The following PDE1A variants were observed in gnomAD, a reference collection of about 807,000 sequenced individuals.
The protein encoded by PDE1A is dual specificity calcium/calmodulin-dependent 3',5'-cyclic nucleotide phosphodiesterase 1A.
PDE1A carries 35 observed loss-of-function variants against 61.7 expected under a neutral mutation model. The observed-to-expected ratio is 0.57, with a 90% CI of 0.43 to 0.75. The LOEUF is 0.75. PDE1A is among the 30% of genes least tolerant of loss of function. The probability of loss-of-function intolerance (pLI) is 0.00; values close to 1 mark genes in which losing one functional copy is unlikely to be tolerated. For missense variants in PDE1A, 597 were observed against 630.6 expected (o/e 0.95, Z 0.57); for synonymous variants, 232 against 213.2 (o/e 1.09, Z -0.77).
At chr2:182,568,101 G>A in the PDE1A span, among the ~76,000 whole-genome samples, 12 of 151,700 alleles carry the variant, frequency 7.9e-5, no homozygotes, top group South Asian at 8.3e-4. Context: ...GCCCGCGCCC[G>A]GCAATGTTTA....
upstream of PDE1A, among the ~76,000 whole-genome samples, chr2:182,427,976 C>T (rs746190279): frequency 6.6e-6 from 1 of 152,128 alleles, no homozygotes; most frequent in African/African-American, 2.4e-5. Flanking sequence ...AAGGAGGATA[C>T]TATCTGTAGT....
chr2:182,550,735 T>C, the PDE1A span, among the ~76,000 whole-genome samples: 3 of 152,096 alleles, frequency 2.0e-5, no homozygotes, highest in South Asian at 2.1e-4. Context: ...ATGAGTGTGT[T>C]TGGTGGGCAG....
intron 2 of PDE1A, among the ~76,000 whole-genome samples, chr2:182,438,884 G>C (rs1164955848): frequency 6.6e-6 from 1 of 151,922 alleles, no homozygotes; most frequent in Non-Finnish European, 1.5e-5. Flanking sequence ...GAACAATGTA[G>C]AAAATATTTT....
rs528072282 is a variant in PDE1A, at chr2:182,201,845, G to C, written c.903-56C>G. 2.8e-5 allele frequency: 29 copies of C among 1,028,726 alleles called. No individual in the cohort carries two copies. The Admixed American group carries it at 3.9e-4, about 14-fold the overall frequency. The allele number at this position is 1,028,726 out of a possible 1,614,324, so 63.7% of individuals were successfully genotyped here. A position where few individuals can be genotyped will look rare whatever the true frequency, so the allele number is the denominator to read the frequency against. ...TTCAGCCATTTATTGTTCTGAAGTG[G>C]AACACTTCAATAAATAATCACTCAC... is the stretch of plus-strand genomic sequence containing the variant. On this transcript the variant is annotated intron_variant, in intron 8 of 13. Coordinates refer to ENST00000351439, the Ensembl canonical transcript of PDE1A.
At chr2:182,702,274 T>G in the PDE1A span, among the ~76,000 whole-genome samples, 311 of 152,234 alleles carry the variant, frequency 2.0e-3, 2 homozygotes, top group African/African-American at 7.3e-3. Context: ...TGGCTAATTT[T>G]TTATATTTTT....
chr2:182,379,710 T>A (rs185946263), intron 1 of PDE1A, among the ~76,000 whole-genome samples: 276 of 152,320 alleles, frequency 1.8e-3, no homozygotes, highest in African/African-American at 6.5e-3. Flanking sequence ...AATAAAGATA[T>A]GCATGTATTT....
At chr2:182,205,901 C>T (rs1296533147) in intron 8 of PDE1A, 39 bp downstream of exon 8, 1 of 1,561,512 alleles carries the variant, frequency 6.4e-7, no homozygotes, top group South Asian at 1.2e-5. Context: ...TATTCCTTTC[C>T]TGAAATTAAA....
the PDE1A span, among the ~76,000 whole-genome samples, chr2:182,602,948 A>G: frequency 6.6e-6 from 1 of 152,134 alleles, no homozygotes; most frequent in Non-Finnish European, 1.5e-5. Flanking sequence ...GGGAACATCT[A>G]AGAAGCTGAC....
chr2:182,438,323 A>G (rs778755298), intron 2 of PDE1A, among the ~76,000 whole-genome samples: 3 of 151,992 alleles, frequency 2.0e-5, no homozygotes, highest in Non-Finnish European at 2.9e-5. Context: ...ATGGAGGGAA[A>G]ACTGGCTGCG....
chr2:182,452,245 T>C (rs1398433750), intron 2 of PDE1A, among the ~76,000 whole-genome samples: 2 of 152,104 alleles, frequency 1.3e-5, no homozygotes, highest in Non-Finnish European at 2.9e-5. Context: ...TGCATAGGTG[T>C]CTAAGGTTAA....
At chr2:182,560,267 T>C in the PDE1A span, among the ~76,000 whole-genome samples, 1 of 131,976 alleles carries the variant, frequency 7.6e-6, no homozygotes, top group African/African-American at 2.9e-5. Context: ...CCTGTGTCCG[T>C]GTGTTCTCAT....
chr2:182,477,372 C>G (rs1368845353), intron 2 of PDE1A, among the ~76,000 whole-genome samples: 1 of 151,902 alleles, frequency 6.6e-6, no homozygotes, highest in African/African-American at 2.4e-5. Flanking sequence ...GAACAAGTGA[C>G]TATGACAGCT....
intron 1 of PDE1A, among the ~76,000 whole-genome samples, chr2:182,399,294 G>A (rs544538052): frequency 5.3e-5 from 8 of 151,824 alleles, no homozygotes; most frequent in Non-Finnish European, 1.0e-4. Flanking sequence ...CACATGCATA[G>A]ATTAATGTGT....
chr2:182,178,840 G>A (rs953613260), intron 13 of PDE1A, among the ~76,000 whole-genome samples: 1 of 152,062 alleles, frequency 6.6e-6, no homozygotes, highest in African/African-American at 2.4e-5. Flanking sequence ...AGATGTGGGG[G>A]CCTGCCGTGG....
chr2:182,670,216 G>A, the PDE1A span, among the ~76,000 whole-genome samples: 2 of 152,100 alleles, frequency 1.3e-5, no homozygotes, highest in African/African-American at 4.8e-5. Flanking sequence ...TACTCAGGGG[G>A]TTTACCCTAC....
intron 7 of PDE1A, among the ~76,000 whole-genome samples, chr2:182,217,482 A>G (rs1688295112): frequency 7.6e-6 from 1 of 132,032 alleles, no homozygotes; most frequent in Admixed American, 7.9e-5. Context: ...TGAACAGGCA[A>G]CCTACAAAAT....
At chr2:182,183,468 G>T (rs553106003) in intron 13 of PDE1A, among the ~76,000 whole-genome samples, 1 of 152,134 alleles carries the variant, frequency 6.6e-6, no homozygotes, top group Non-Finnish European at 1.5e-5. Context: ...CCTGTTGGAT[G>T]TGGTAGAATC....
intron 1 of PDE1A, among the ~76,000 whole-genome samples, chr2:182,396,634 T>C (rs1701720887): frequency 6.6e-6 from 1 of 152,260 alleles, no homozygotes; most frequent in Non-Finnish European, 1.5e-5. Flanking sequence ...CTTTATCAAG[T>C]AACATAAGAT....
chr2:182,632,955 G>A, the PDE1A span, among the ~76,000 whole-genome samples: 11 of 152,152 alleles, frequency 7.2e-5, no homozygotes, highest in African/African-American at 2.7e-4. Flanking sequence ...GGACTTCATG[G>A]TAAACTCAAA....
Sources: gnomAD v4.1 joint callset for allele counts (sites outside exome capture counted in the v4.1 genomes callset) on GRCh38, gnomAD v4.1.1 for gene constraint, MANE v1.5 for transcripts, NCBI Gene and HGNC (gene_info 2026-07-23, HGNC 2026-07-21) for gene names.